The following TMEM273 variants were observed in gnomAD, a reference collection of about 807,000 sequenced individuals.
TMEM273 encodes the protein transmembrane protein 273, also known as chromosome 10 open reading frame 128.
TMEM273 carries 19 observed loss-of-function variants against 17.9 expected under a neutral mutation model. The observed-to-expected ratio is 1.06, with a 90% CI of 0.74 to 1.55. The LOEUF is 1.55. Ranked by LOEUF, TMEM273 falls within the 40% of genes most tolerant of loss-of-function variation. The probability of loss-of-function intolerance (pLI) is 0.00; values close to 1 mark genes in which losing one functional copy is unlikely to be tolerated. For missense variants in TMEM273, 194 were observed against 155.6 expected (o/e 1.25, Z -1.31); for synonymous variants, 66 against 62.0 (o/e 1.07, Z -0.31).
chr10:49,158,092 T>C (rs1320780642), intron 6 of TMEM273, among the ~76,000 whole-genome samples: 1 of 152,042 alleles, frequency 6.6e-6, no homozygotes, highest in African/African-American at 2.4e-5. Context: ...TAGGAATAAA[T>C]ATAACAAAAA....
intron 1 of TMEM273, 78 bp from the exon 2 acceptor site, chr10:49,168,040 GAAAGCC>G (rs1209521643): frequency 6.4e-7 from 1 of 1,574,610 alleles, no homozygotes; most frequent in Non-Finnish European, 8.7e-7. Context: ...AGAGGCCTGG[GAAAGCC>G]TACCCCATGT....
chr10:49,172,539 T>C (rs1281771389), intron 1 of TMEM273, among the ~76,000 whole-genome samples: 1 of 152,098 alleles, frequency 6.6e-6, no homozygotes, highest in Non-Finnish European at 1.5e-5. Flanking sequence ...GGAAAGGGTT[T>C]GTTCCACCTT....
At chr10:49,176,488 G>A (rs1441953964) in intron 1 of TMEM273, among the ~76,000 whole-genome samples, 1 of 152,350 alleles carries the variant, frequency 6.6e-6, no homozygotes, top group African/African-American at 2.4e-5. Flanking sequence ...GAGAGAGCAG[G>A]GGAGGCTGGA....
In TMEM273 at chr10:49,161,603, T is replaced by C; in HGVS notation, c.368A>G (p.Gln123Arg). The change falls in exon 6 of 7, where the codon CAA becomes CGA. Residue 123 changes from glutamine (Q) to arginine (R), a missense_variant. Transcript: ENST00000374153. ...GTGATCACTCTTACAACTCACCTTT[T>C]GGAGAAATTGTGGTTTCGCCTGCAA... is the stretch of plus-strand genomic sequence containing the variant. ...GLFKAKPQFLQKRCTGD is the reference protein window; with the variant it reads ...GLFKAKPQFLRKRCTGD 1 of 1,614,246 alleles carries C rather than the reference T, an allele frequency of 6.2e-7. No individual in the cohort carries two copies. Among genetic ancestry groups the C allele is most frequent in the Non-Finnish European group, 8.5e-7 (1 of 1,180,038 alleles).
At chr10:49,164,360 C>T (rs1009793310) in intron 5 of TMEM273, among the ~76,000 whole-genome samples, 1 of 152,182 alleles carries the variant, frequency 6.6e-6, no homozygotes, top group Non-Finnish European at 1.5e-5. Context: ...TTTCCATTGC[C>T]TCCACCTGGA....
intron 1 of TMEM273, among the ~76,000 whole-genome samples, chr10:49,183,316 G>T (rs1847464719): frequency 6.6e-6 from 1 of 151,366 alleles, no homozygotes; most frequent in African/African-American, 2.4e-5. Context: ...AAACTCCATG[G>T]TATACAAAAT....
chr10:49,184,542 T>A (rs1466455745), intron 1 of TMEM273, among the ~76,000 whole-genome samples: 1 of 152,238 alleles, frequency 6.6e-6, no homozygotes. Context: ...AAGTAGTTAT[T>A]CCTAGTAGTG....
At chr10:49,156,059 A>G (rs529448367) in intron 6 of TMEM273, 150 bp from the exon 7 acceptor site, 2 of 1,551,288 alleles carry the variant, frequency 1.3e-6, no homozygotes, top group Non-Finnish European at 1.7e-6. Context: ...TGCAACATAG[A>G]AAGGAACTGA....
chr10:49,179,608 A>C (rs1847214548), intron 1 of TMEM273, among the ~76,000 whole-genome samples: 3 of 152,224 alleles, frequency 2.0e-5, no homozygotes, highest in Admixed American at 2.0e-4. Context: ...TAAATATTAT[A>C]TTAAAAAAAC....
At chr10:49,182,602 G>A (rs976965027) in intron 1 of TMEM273, among the ~76,000 whole-genome samples, 4 of 152,116 alleles carry the variant, frequency 2.6e-5, no homozygotes, top group African/African-American at 9.7e-5. Context: ...TGGAATTAGA[G>A]TCCACAGGAA....
chr10:49,188,247 C>T, intron 1 of TMEM273, 47 bp downstream of exon 1: 1 of 1,609,240 alleles, frequency 6.2e-7, no homozygotes, highest in Non-Finnish European at 8.5e-7. Context: ...CAGTTTCCTG[C>T]CCACTGAGGC....
At chr10:49,157,485 C>T (rs1845583139) in intron 6 of TMEM273, among the ~76,000 whole-genome samples, 1 of 152,180 alleles carries the variant, frequency 6.6e-6, no homozygotes, top group African/African-American at 2.4e-5. Context: ...CCAAGAATCA[C>T]ATAGACCAAC....
rs535141089 is a variant in TMEM273, at chr10:49,155,971, C to T, written c.373-62G>A. 2.5e-6 allele frequency: 4 copies of T among 1,612,756 alleles called. No homozygotes were observed. In the South Asian group the frequency reaches 4.4e-5, roughly 18 times the overall value. ...GAGAGCAACTATACTCTAATGATTGCATGTGTTTATGCAATTCACACAATT... is the reference window on the plus strand; with the variant it reads ...GAGAGCAACTATACTCTAATGATTGTATGTGTTTATGCAATTCACACAATT... On this transcript the variant is annotated intron_variant, in intron 6 of 6. Transcript: ENST00000374153.
At chr10:49,180,179 C>T (rs1313182515) in intron 1 of TMEM273, among the ~76,000 whole-genome samples, 4 of 152,208 alleles carry the variant, frequency 2.6e-5, no homozygotes, top group African/African-American at 7.2e-5. Flanking sequence ...GGACGTCCTA[C>T]ACTGCCCAGC....
chr10:49,186,036 AAAG>A (rs147648337), intron 1 of TMEM273, among the ~76,000 whole-genome samples: 1,214 of 89,074 alleles, frequency 0.014, 192 homozygotes, highest in Middle Eastern at 0.042. Flanking sequence ...AGAAGAAGAA[AAAG>A]AAGAAGAAGA....
intron 1 of TMEM273, among the ~76,000 whole-genome samples, chr10:49,171,545 G>A (rs934922286): frequency 6.6e-6 from 1 of 152,186 alleles, no homozygotes; most frequent in African/African-American, 2.4e-5. Context: ...GCCCCATTTG[G>A]ACCTGGTACT....
chr10:49,186,080 A>AGAG (rs1338406139), intron 1 of TMEM273, among the ~76,000 whole-genome samples: 28 of 141,320 alleles, frequency 2.0e-4, no homozygotes, highest in African/African-American at 6.8e-4. Flanking sequence ...AAGAAGAAGA[A>AGAG]GAAGAAGAAG....
chr10:49,179,085 G>A (rs527457844), intron 1 of TMEM273, among the ~76,000 whole-genome samples: 2 of 152,214 alleles, frequency 1.3e-5, no homozygotes, highest in African/African-American at 2.4e-5. Flanking sequence ...ACTCAGACAA[G>A]CAGGGGAGAG....
At chr10:49,166,052 C>T (rs922743920) in intron 3 of TMEM273, among the ~76,000 whole-genome samples, 6 of 152,216 alleles carry the variant, frequency 3.9e-5, no homozygotes, top group Admixed American at 1.3e-4. Context: ...GCCAGCATCT[C>T]GGAAGCCTCC....
Sources: allele counts gnomAD v4.1 joint callset (sites outside exome capture counted in the v4.1 genomes callset), GRCh38; gene constraint gnomAD v4.1.1; transcripts MANE v1.5; gene names NCBI Gene and HGNC (gene_info 2026-07-23, HGNC 2026-07-21).